DCC: variants seen among roughly 807,000 people sequenced by gnomAD.
DCC encodes netrin receptor DCC.
A neutral mutation model predicts 172.5 loss-of-function variants in DCC; 58 were observed. That is an observed-to-expected ratio of 0.34 (90% CI 0.27 to 0.42). The LOEUF (loss-of-function observed/expected upper bound fraction) is 0.42. Ranked by LOEUF, DCC falls within the 10% of genes least tolerant of loss-of-function variation. The pLI, the probability that DCC is intolerant of heterozygous loss-of-function variation, is 1.00. For synonymous variants in DCC, 709 were observed against 644.5 expected (o/e 1.10, Z -1.52); for missense variants, 1,740 against 1,791.0 (o/e 0.97, Z 0.51).
chr18:52,404,812 CT>C (rs887248633), intron 1 of DCC, among the ~76,000 whole-genome samples: 1 of 123,220 alleles, frequency 8.1e-6, no homozygotes, highest in African/African-American at 3.1e-5. Context: ...TCCCTCCCCC[CT>C]CCCCCCACCC....
intron 1 of DCC, among the ~76,000 whole-genome samples, chr18:52,489,200 A>G (rs1035187720): frequency 6.6e-6 from 1 of 152,094 alleles, no homozygotes; most frequent in Non-Finnish European, 1.5e-5. Context: ...TGGCTCCTAG[A>G]TGATACTGGT....
Position 53,158,729 on chromosome 18 carries a change from C to T in DCC, c.1418+1217C>T, listed in dbSNP as rs775036548. Among the ~76,000 whole-genome samples the T allele has an allele frequency of 8.6e-5, 13 of 151,946 alleles. No homozygotes were observed. In the East Asian group the frequency reaches 9.7e-4, roughly 11 times the overall value. ...AAAGAGGCTGGGCAAGGTGACTCCACGCCTGTAATCCCAGCACTTTGGCAG... is the reference window on the plus strand; with the variant it reads ...AAAGAGGCTGGGCAAGGTGACTCCATGCCTGTAATCCCAGCACTTTGGCAG... On this transcript the variant is annotated intron_variant, in intron 8 of 28. Transcript: ENST00000442544.
intron 1 of DCC, among the ~76,000 whole-genome samples, chr18:52,570,966 TTA>T (rs375647313): frequency 8.7e-4 from 133 of 152,234 alleles, no homozygotes; most frequent in African/African-American, 3.2e-3. Flanking sequence ...ACTTTAGGGG[TTA>T]TAATTTGATC....
intron 1 of DCC, among the ~76,000 whole-genome samples, chr18:52,579,627 C>T (rs1284768619): frequency 6.6e-6 from 1 of 152,072 alleles, no homozygotes; most frequent in Admixed American, 6.6e-5. Flanking sequence ...AACCAAGAAA[C>T]CAAGGCTCAA....
chr18:53,402,298 GAGGATCACTTGAGCCC>G (rs1909349455), intron 18 of DCC, among the ~76,000 whole-genome samples: 1 of 151,948 alleles, frequency 6.6e-6, no homozygotes, highest in African/African-American at 2.4e-5. Flanking sequence ...GCTGAGATGG[GAGGATCACTTGAGCCC>G]AGGAGGTTGA....
intron 2 of DCC, among the ~76,000 whole-genome samples, chr18:52,814,977 C>G (rs1398609066): frequency 6.6e-6 from 1 of 152,006 alleles, no homozygotes; most frequent in Non-Finnish European, 1.5e-5. Flanking sequence ...AATGTGGTGA[C>G]TCATTATAAA....
intron 12 of DCC, among the ~76,000 whole-genome samples, chr18:53,278,858 G>A (rs976094706): frequency 4.6e-5 from 7 of 152,090 alleles, no homozygotes; most frequent in African/African-American, 1.7e-4. Flanking sequence ...GAGGTAAATG[G>A]CATGCACCAA....
At chr18:53,479,225 C>G (rs2045803382) in intron 25 of DCC, among the ~76,000 whole-genome samples, 1 of 152,160 alleles carries the variant, frequency 6.6e-6, no homozygotes, top group Admixed American at 6.5e-5. Context: ...ATTTTAAATA[C>G]TAATCTGATC....
chr18:52,429,488 CT>C (rs1261274856), intron 1 of DCC, among the ~76,000 whole-genome samples: 1 of 151,926 alleles, frequency 6.6e-6, no homozygotes, highest in Non-Finnish European at 1.5e-5. Context: ...CACCATCTAA[CT>C]TTTTTTTGAC....
At chr18:53,397,562 G>A (rs7231978) in intron 18 of DCC, 116 bp downstream of exon 18, 44 of 1,127,386 alleles carry the variant, frequency 3.9e-5, no homozygotes, top group Non-Finnish European at 5.6e-5. Context: ...ATATAAAATA[G>A]TTCATCCTCT....
chr18:52,490,287 C>A (rs1206429654), intron 1 of DCC, among the ~76,000 whole-genome samples: 2 of 152,064 alleles, frequency 1.3e-5, no homozygotes, highest in African/African-American at 4.8e-5. Context: ...AGGAAGTTTT[C>A]CTCTTGCAAA....
chr18:53,320,628 A>G (rs954294616), intron 13 of DCC, among the ~76,000 whole-genome samples: 3 of 152,100 alleles, frequency 2.0e-5, no homozygotes, highest in African/African-American at 7.2e-5. Flanking sequence ...AGGAATGACA[A>G]AGGCCTTATG....
intron 2 of DCC, among the ~76,000 whole-genome samples, chr18:52,890,205 C>G (rs2039628326): frequency 6.6e-6 from 1 of 152,116 alleles, no homozygotes; most frequent in Admixed American, 6.6e-5. Flanking sequence ...TACTGAGTGT[C>G]TGCTGTGTAC....
intron 15 of DCC, among the ~76,000 whole-genome samples, chr18:53,363,208 C>T (rs1330903765): frequency 6.6e-6 from 1 of 152,140 alleles, no homozygotes; most frequent in African/African-American, 2.4e-5. Context: ...CATGCTCTCT[C>T]TTGAAAGGCA....
chr18:52,902,062 G>A (rs559405109), intron 2 of DCC, among the ~76,000 whole-genome samples: 8 of 152,244 alleles, frequency 5.3e-5, no homozygotes, highest in South Asian at 2.1e-4. Flanking sequence ...AGCAGAGAGC[G>A]TGTTCCTTTT....
intron 12 of DCC, among the ~76,000 whole-genome samples, chr18:53,284,379 G>T (rs1234868248): frequency 6.6e-6 from 1 of 152,098 alleles, no homozygotes; most frequent in South Asian, 2.1e-4. Context: ...GAATCATGGG[G>T]GTGGTCTTTC....
chr18:52,449,068 C>G (rs1453837805), intron 1 of DCC, among the ~76,000 whole-genome samples: 2 of 152,106 alleles, frequency 1.3e-5, no homozygotes, highest in African/African-American at 2.4e-5. Context: ...TGCCAGAAGG[C>G]AAGAAGGAGC....
rs1167587288 is a variant in DCC at position 52,379,248 on chromosome 18, T to G, written c.91+38370T>G. On this transcript the variant is annotated intron_variant, in intron 1 of 28. Coordinates refer to ENST00000442544, the MANE Select transcript of DCC (RefSeq NM_005215.4). ...ATGACCTTGCTACAAAAGCATAATG[T>G]TTTTTTTTTCAAAAACAGATTGGAT... Among the ~76,000 whole-genome samples, 21 of 103,072 alleles carry G rather than the reference T, an allele frequency of 2.0e-4. No individual in the cohort carries two copies. The East Asian group carries it at 4.0e-3, about 20-fold the overall frequency. The allele number at this position is 103,072 out of a possible 152,430, so 67.6% of individuals were successfully genotyped here.
chr18:53,505,459 T>TTTTTCAGAATTGCAAAAACTTCTTTTGGG (rs2046160345), intron 27 of DCC: 1 of 152,238 alleles, frequency 6.6e-6, no homozygotes, highest in Non-Finnish European at 1.5e-5. Flanking sequence ...ACAGCTAGTA[T>TTTTTCAGAATTGCAAAAACTTCTTTTGGG]TTTTCAGAAT....
Sources: gnomAD v4.1 joint callset for allele counts (sites outside exome capture counted in the v4.1 genomes callset) on GRCh38, gnomAD v4.1.1 for gene constraint, MANE v1.5 for transcripts, NCBI Gene and HGNC (gene_info 2026-07-23, HGNC 2026-07-21) for gene names.